Variants in EYS observed in about 807,000 individuals in gnomAD.
EYS encodes EGF-like photoreceptor maintenance factor.
A neutral mutation model predicts 282.1 loss-of-function variants in EYS; 250 were observed. That is an observed-to-expected ratio of 0.89 (90% CI 0.80 to 0.98). The LOEUF (loss-of-function observed/expected upper bound fraction) is 0.98, where lower values mean the gene tolerates loss of function less well. Ranked by LOEUF, EYS falls within the 50% of genes least tolerant of loss-of-function variation. The probability of loss-of-function intolerance (pLI) is 0.00; values close to 1 mark genes in which losing one functional copy is unlikely to be tolerated. For synonymous variants in EYS, 1,355 were observed against 1,282.9 expected, an observed-to-expected ratio of 1.06 and a Z score of -1.20; for missense variants, 4,016 against 3,709.0, an observed-to-expected ratio of 1.08 and a Z score of -2.15.
chr6:64,864,385 C>CTTCTTTTTTTTTTTTTTTTTTTTTTT (rs1766348907), intron 19 of EYS, among the ~76,000 whole-genome samples: 1 of 57,166 alleles, frequency 1.7e-5, no homozygotes, highest in Non-Finnish European at 3.6e-5. Context: ...GCTATACCTT[C>CTTCTTTTTTTTTTTTTTTTTTTTTTT]TTTTTTTTTT....
At chr6:64,864,413 A>C (rs1250118995) in intron 19 of EYS, among the ~76,000 whole-genome samples, 1 of 38,908 alleles carries the variant, frequency 2.6e-5, no homozygotes, top group African/African-American at 7.1e-5. Context: ...TTTTGACAGA[A>C]TCTTGCTCTG....
At chr6:64,045,946 G>T (rs908394175) in intron 33 of EYS, among the ~76,000 whole-genome samples, 2 of 143,834 alleles carry the variant, frequency 1.4e-5, no homozygotes, top group African/African-American at 2.5e-5. Context: ...ATATATGTGT[G>T]TATTATATAT....
intron 22 of EYS, among the ~76,000 whole-genome samples, chr6:64,740,549 G>C (rs1465925189): frequency 6.6e-6 from 1 of 152,078 alleles, no homozygotes; most frequent in Non-Finnish European, 1.5e-5. Context: ...AAGCAGAGGA[G>C]AGACCATAGA....
chr6:64,532,034 A>G (rs1040604168), intron 26 of EYS, among the ~76,000 whole-genome samples: 3 of 152,146 alleles, frequency 2.0e-5, no homozygotes, highest in African/African-American at 7.2e-5. Context: ...CAGGGTTTTT[A>G]TGCAATTGTC....
chr6:64,391,368 C>G (rs1222785939), intron 28 of EYS, among the ~76,000 whole-genome samples: 1 of 152,062 alleles, frequency 6.6e-6, no homozygotes, highest in Non-Finnish European at 1.5e-5. Context: ...TTAAGGGCAG[C>G]CAGAGAGAAA....
At chr6:64,959,343 ACTCCT>A (rs1489761858) in intron 14 of EYS, among the ~76,000 whole-genome samples, 3 of 151,904 alleles carry the variant, frequency 2.0e-5, no homozygotes, top group Non-Finnish European at 4.4e-5. Flanking sequence ...CATAATCATT[ACTCCT>A]CTCCTCAGAG....
chr6:64,088,932 G>T (rs1323303335), intron 31 of EYS, among the ~76,000 whole-genome samples: 1 of 151,868 alleles, frequency 6.6e-6, no homozygotes, highest in African/African-American at 2.4e-5. Flanking sequence ...AATACAATGG[G>T]TCACAAATTA....
chr6:64,412,043 A>C (rs1188656681), intron 28 of EYS, among the ~76,000 whole-genome samples: 12 of 151,736 alleles, frequency 7.9e-5, no homozygotes, highest in Non-Finnish European at 4.4e-5. Flanking sequence ...TTGATATCCA[A>C]ATATAGCCTA....
intron 35 of EYS, among the ~76,000 whole-genome samples, chr6:63,937,564 G>A (rs1053344769): frequency 2.0e-5 from 3 of 150,698 alleles, no homozygotes; most frequent in African/African-American, 7.3e-5. Context: ...TGTATTTTTA[G>A]TAGAGACGGG....
intron 5 of EYS, among the ~76,000 whole-genome samples, chr6:65,427,722 T>C (rs1767716057): frequency 6.6e-6 from 1 of 152,062 alleles, no homozygotes; most frequent in Non-Finnish European, 1.5e-5. Context: ...CATTCAGTAT[T>C]AACTCACCAT....
intron 22 of EYS, among the ~76,000 whole-genome samples, chr6:64,678,753 G>A (rs1004829619): frequency 2.5e-4 from 38 of 152,170 alleles, no homozygotes; most frequent in Non-Finnish European, 5.1e-4. Context: ...GGGAGGCCGA[G>A]GCGGGTGGAT....
intron 29 of EYS, among the ~76,000 whole-genome samples, chr6:64,354,659 T>C (rs78286657): frequency 0.063 from 9,628 of 151,630 alleles, 406 homozygotes; most frequent in Non-Finnish European, 0.091. Context: ...AAATTAATTG[T>C]CTCTGCATAC....
intron 12 of EYS, among the ~76,000 whole-genome samples, chr6:65,124,368 A>G (rs1319209810): frequency 6.6e-6 from 1 of 152,146 alleles, no homozygotes; most frequent in Non-Finnish European, 1.5e-5. Context: ...GGTACACTGA[A>G]GCGAGAATGT....
intron 8 of EYS, among the ~76,000 whole-genome samples, chr6:65,370,905 A>T (rs9345611): frequency 0.41 from 61,894 of 151,782 alleles, 13,795 homozygotes; most frequent in South Asian, 0.5. Context: ...CTTCATAGAG[A>T]TTACATTTCA....
chr6:64,411,000 T>A (rs1773872099), intron 28 of EYS, among the ~76,000 whole-genome samples: 1 of 152,122 alleles, frequency 6.6e-6, no homozygotes, highest in Admixed American at 6.6e-5. Context: ...AATCAGCTTT[T>A]AAGAAAATGT....
At position 65,669,940 on chromosome 6, in the gene EYS, G is replaced by C. The variant is rs530167020; in HGVS notation, c.-447-30048C>G. On this transcript the variant is annotated intron_variant, in intron 1 of 42. Transcript: ENST00000503581. ...ACATATACTTGTGATAGCATTAATG[G>C]TACATAGCATATAGTTAGTCCTAAT... Among the ~76,000 whole-genome samples the C allele has an allele frequency of 2.0e-5, 3 of 151,950 alleles. No individual in the cohort carries two copies. The South Asian group carries it at 6.2e-4, about 32-fold the overall frequency.
At chr6:63,915,831 G>T (rs145092903) in intron 35 of EYS, among the ~76,000 whole-genome samples, 294 of 152,304 alleles carry the variant, frequency 1.9e-3, no homozygotes, top group Non-Finnish European at 3.5e-3. Context: ...CTGAAGATGT[G>T]ACTGAATTGC....
At chr6:65,403,684 AAAT>A (rs1262889634) in intron 6 of EYS, among the ~76,000 whole-genome samples, 1 of 151,990 alleles carries the variant, frequency 6.6e-6, no homozygotes, top group Non-Finnish European at 1.5e-5. Context: ...AGAGAATATT[AAAT>A]AATGAGAATA....
chr6:65,625,645 T>G (rs1766663335), intron 2 of EYS, among the ~76,000 whole-genome samples: 1 of 152,220 alleles, frequency 6.6e-6, no homozygotes, highest in Admixed American at 6.5e-5. Context: ...TTTTTATGTT[T>G]ACTGAATAAA....
Sources: gnomAD v4.1 joint callset for allele counts (sites outside exome capture counted in the v4.1 genomes callset) on GRCh38, gnomAD v4.1.1 for gene constraint, MANE v1.5 for transcripts, NCBI Gene and HGNC (gene_info 2026-07-23, HGNC 2026-07-21) for gene names.